The following LRRTM4 variants were observed in gnomAD, a reference collection of about 807,000 sequenced individuals.
LRRTM4 encodes leucine rich repeat transmembrane neuronal 4.
LRRTM4 carries 25 observed loss-of-function variants against 47.6 expected under a neutral mutation model. The observed-to-expected ratio is 0.53, with a 90% confidence interval of 0.38 to 0.73. The LOEUF (loss-of-function observed/expected upper bound fraction) is 0.73, where lower values mean the gene tolerates loss of function less well. Among genes scored for constraint, LRRTM4 ranks in the 30% least tolerant of loss-of-function variants. The pLI is 0.00. For missense variants in LRRTM4, 638 were observed against 713.4 expected, an observed-to-expected ratio of 0.89 and a Z score of 1.20; for synonymous variants, 311 against 269.5, an observed-to-expected ratio of 1.15 and a Z score of -1.51.
chr2:77,355,661 A>G (rs992882690), intron 3 of LRRTM4, among the ~76,000 whole-genome samples: 4 of 152,208 alleles, frequency 2.6e-5, no homozygotes, highest in Admixed American at 2.6e-4. Context: ...TGATTGGGAA[A>G]GATACTTTGA....
intron 3 of LRRTM4, among the ~76,000 whole-genome samples, chr2:76,797,055 A>T (rs1475925238): frequency 1.3e-5 from 2 of 152,160 alleles, no homozygotes; most frequent in East Asian, 3.8e-4. Flanking sequence ...GATATTATCC[A>T]GGAGAACTTC....
intron 3 of LRRTM4, among the ~76,000 whole-genome samples, chr2:77,039,099 A>G (rs1678939791): frequency 6.6e-6 from 1 of 151,394 alleles, no homozygotes; most frequent in African/African-American, 2.4e-5. Flanking sequence ...AAATAAATTG[A>G]TCAAGGGAAG....
chr2:77,005,198 A>G (rs6718391), intron 3 of LRRTM4, among the ~76,000 whole-genome samples: 62,682 of 151,828 alleles, frequency 0.41, 13,055 homozygotes, highest in East Asian at 0.52. Flanking sequence ...AGGCTGGAGT[A>G]CAGTGGCATG....
chr2:77,241,229 CACACACACACACACACAT>C (rs139485535), intron 3 of LRRTM4, among the ~76,000 whole-genome samples: 9,912 of 126,488 alleles, frequency 0.078, 1,146 homozygotes, highest in African/African-American at 0.24. Flanking sequence ...CACACACACA[CACACACACACACACACAT>C]GGGTCTAGAA....
At chr2:76,782,903 T>G (rs1440980759) in intron 3 of LRRTM4, among the ~76,000 whole-genome samples, 2 of 152,074 alleles carry the variant, frequency 1.3e-5, no homozygotes, top group African/African-American at 4.8e-5. Flanking sequence ...AATTATAGAG[T>G]GTTCTTTAGA....
At chr2:76,807,420 A>ATG (rs1670529882) in intron 3 of LRRTM4, among the ~76,000 whole-genome samples, 2 of 86,422 alleles carry the variant, frequency 2.3e-5, no homozygotes, top group Non-Finnish European at 4.1e-5. Flanking sequence ...ATATATATAT[A>ATG]TATACATATA....
chr2:76,889,598 T>C (rs1379743017), intron 3 of LRRTM4, among the ~76,000 whole-genome samples: 4 of 151,858 alleles, frequency 2.6e-5, no homozygotes, highest in Non-Finnish European at 5.9e-5. Flanking sequence ...GCTTCAAAGA[T>C]CCAAGGATAC....
At chr2:77,028,303 A>G (rs1678524372) in intron 3 of LRRTM4, among the ~76,000 whole-genome samples, 1 of 152,218 alleles carries the variant, frequency 6.6e-6, no homozygotes, top group Non-Finnish European at 1.5e-5. Context: ...GAACATCAGA[A>G]GCCAAAAGCA....
intron 3 of LRRTM4, among the ~76,000 whole-genome samples, chr2:77,112,869 T>C (rs977392032): frequency 5.9e-5 from 9 of 152,202 alleles, no homozygotes; most frequent in African/African-American, 9.6e-5. Flanking sequence ...ATTTTGTTGC[T>C]GGACGGAACG....
chr2:77,494,169 A>G (rs1678272337), intron 3 of LRRTM4, among the ~76,000 whole-genome samples: 3 of 152,322 alleles, frequency 2.0e-5, no homozygotes, highest in South Asian at 2.1e-4. Context: ...GCGAAAATCA[A>G]TTGCTGTTCT....
chr2:77,348,105 T>C (rs1331704643), intron 3 of LRRTM4, among the ~76,000 whole-genome samples: 1 of 151,896 alleles, frequency 6.6e-6, no homozygotes, highest in Non-Finnish European at 1.5e-5. Flanking sequence ...GCCTCTTTCA[T>C]ATACTTCTGC....
intron 3 of LRRTM4, among the ~76,000 whole-genome samples, chr2:76,954,167 C>T (rs186694528): frequency 6.6e-5 from 10 of 151,634 alleles, no homozygotes; most frequent in Non-Finnish European, 1.3e-4. Flanking sequence ...CAATGTTACA[C>T]GGCATGTAAA....
chr2:76,924,232 T>G (rs1030001190), intron 3 of LRRTM4, among the ~76,000 whole-genome samples: 2 of 152,084 alleles, frequency 1.3e-5, no homozygotes, highest in Non-Finnish European at 2.9e-5. Context: ...AAAATATATA[T>G]AATAGGTCTC....
chr2:77,316,237 A>G (rs1677614195), intron 3 of LRRTM4, among the ~76,000 whole-genome samples: 1 of 152,216 alleles, frequency 6.6e-6, no homozygotes, highest in African/African-American at 2.4e-5. Context: ...GCAGTCATCC[A>G]GATGAAAGGA....
intron 3 of LRRTM4, among the ~76,000 whole-genome samples, chr2:76,787,336 T>G (rs957729613): frequency 6.6e-6 from 1 of 152,060 alleles, no homozygotes; most frequent in Non-Finnish European, 1.5e-5. Context: ...AACTTCCTGG[T>G]CATAATTATT....
chr2:76,933,848 T>C (rs1358143079), intron 3 of LRRTM4, among the ~76,000 whole-genome samples: 1 of 152,138 alleles, frequency 6.6e-6, no homozygotes, highest in Non-Finnish European at 1.5e-5. Flanking sequence ...GAGTCAGCCA[T>C]GACATTTCTG....
At chr2:76,888,459 T>A (rs941443348) in intron 3 of LRRTM4, among the ~76,000 whole-genome samples, 1 of 151,606 alleles carries the variant, frequency 6.6e-6, no homozygotes, top group Non-Finnish European at 1.5e-5. Flanking sequence ...GATGGTAACT[T>A]ATTTTTTTAT....
intron 3 of LRRTM4, among the ~76,000 whole-genome samples, chr2:77,066,052 GAGA>G (rs149392768): frequency 0.015 from 2,348 of 152,194 alleles, 52 homozygotes; most frequent in African/African-American, 0.053. Context: ...CAGCTTCTCA[GAGA>G]AGAATAAAAA....
chr2:76,911,945 G>C (rs538595451), intron 3 of LRRTM4, among the ~76,000 whole-genome samples: 2,744 of 140,614 alleles, frequency 0.02, 241 homozygotes, highest in African/African-American at 0.062. Context: ...TGGGGGGGGG[G>C]GGGGGACAGA....
Sources: gnomAD v4.1 joint callset for allele counts (sites outside exome capture counted in the v4.1 genomes callset) on GRCh38, gnomAD v4.1.1 for gene constraint, MANE v1.5 for transcripts, NCBI Gene and HGNC (gene_info 2026-07-23, HGNC 2026-07-21) for gene names.